Variants in CEP128 observed in about 807,000 individuals in gnomAD.
CEP128 encodes centrosomal protein 128kDa.
Under a neutral mutation model 156.7 loss-of-function variants are expected in CEP128, and 132 were observed. The ratio of observed to expected loss-of-function variants is 0.84; its 90% CI spans 0.73 to 0.97. The LOEUF is 0.97. Among genes scored for constraint, CEP128 ranks in the 50% least tolerant of loss-of-function variants. The pLI is 0.00. For missense variants in CEP128, 1,252 were observed against 1,281.9 expected (o/e 0.98, Z 0.36); for synonymous variants, 469 against 448.9 (o/e 1.04, Z -0.57).
intron 19 of CEP128, among the ~76,000 whole-genome samples, chr14:80,722,831 T>A (rs1566877358): frequency 6.8e-6 from 1 of 146,200 alleles, no homozygotes; most frequent in African/African-American, 2.5e-5. Context: ...CTTTTTTTTT[T>A]TTTTTTTTTT....
intron 13 of CEP128, among the ~76,000 whole-genome samples, chr14:80,827,874 A>G (rs985254434): frequency 6.6e-6 from 1 of 152,156 alleles, no homozygotes; most frequent in African/African-American, 2.4e-5. Flanking sequence ...TACAAAAGTA[A>G]TCTCAGTTTT....
At chr14:80,830,411 C>T (rs1439712472) in intron 13 of CEP128, 7 of 394,972 alleles carry the variant, frequency 1.8e-5, no homozygotes, top group Non-Finnish European at 3.2e-5. Flanking sequence ...GAAATTAGAA[C>T]ACAACTTCAC....
At chr14:80,594,973 G>T (rs1305155440) in intron 19 of CEP128, among the ~76,000 whole-genome samples, 1 of 152,086 alleles carries the variant, frequency 6.6e-6, no homozygotes, top group Non-Finnish European at 1.5e-5. Flanking sequence ...CCCATTACTG[G>T]GTATAAACTC....
intron 13 of CEP128, among the ~76,000 whole-genome samples, chr14:80,827,556 T>C (rs1401817576): frequency 6.6e-6 from 1 of 152,120 alleles, no homozygotes; most frequent in Non-Finnish European, 1.5e-5. Context: ...TGAGAAGAGA[T>C]GTCAGTTCAA....
At chr14:80,848,758 T>C (rs1205851988) in intron 9 of CEP128, among the ~76,000 whole-genome samples, 2 of 151,592 alleles carry the variant, frequency 1.3e-5, no homozygotes, top group Non-Finnish European at 2.9e-5. Context: ...CTATTGTCTA[T>C]AAATAAACCA....
At chr14:80,940,340 C>T (rs1199446954) in intron 1 of CEP128, among the ~76,000 whole-genome samples, 1 of 152,166 alleles carries the variant, frequency 6.6e-6, no homozygotes, top group African/African-American at 2.4e-5. Flanking sequence ...GAGTCATAGG[C>T]ACAACCAAAT....
chr14:80,542,857 T>C (rs1319767653), intron 21 of CEP128, among the ~76,000 whole-genome samples: 5 of 152,196 alleles, frequency 3.3e-5, no homozygotes, highest in African/African-American at 1.2e-4. Flanking sequence ...CTGGCTAAGG[T>C]AGGGTCTAGG....
intron 20 of CEP128, among the ~76,000 whole-genome samples, chr14:80,580,081 G>C (rs1366131090): frequency 1.3e-5 from 2 of 152,132 alleles, no homozygotes; most frequent in African/African-American, 4.8e-5. Flanking sequence ...CCTGTTTTGA[G>C]GGAAATGACT....
chr14:80,642,678 A>AAG (rs374657845), intron 19 of CEP128, among the ~76,000 whole-genome samples: 36 of 152,020 alleles, frequency 2.4e-4, no homozygotes, highest in East Asian at 1.2e-3. Flanking sequence ...AACAAAGAAA[A>AAG]AGAGAGAGAG....
chr14:80,801,960 A>G (rs963689202), intron 13 of CEP128, among the ~76,000 whole-genome samples: 1 of 146,710 alleles, frequency 6.8e-6, no homozygotes. Flanking sequence ...TGATCATGAG[A>G]GAAATGCAAA....
At chr14:80,721,202 G>C (rs1004827572) in intron 19 of CEP128, among the ~76,000 whole-genome samples, 5 of 152,026 alleles carry the variant, frequency 3.3e-5, no homozygotes, top group South Asian at 2.1e-4. Flanking sequence ...TCATAAATAG[G>C]ATTAATATTA....
chr14:80,700,009 G>A (rs542641504), intron 19 of CEP128, among the ~76,000 whole-genome samples: 4 of 152,236 alleles, frequency 2.6e-5, no homozygotes, highest in South Asian at 2.1e-4. Flanking sequence ...CTAAGAACAC[G>A]GAGGGCTTTA....
intron 19 of CEP128, among the ~76,000 whole-genome samples, chr14:80,646,725 A>T (rs1189967400): frequency 1.3e-5 from 2 of 151,724 alleles, no homozygotes; most frequent in Non-Finnish European, 2.9e-5. Flanking sequence ...AAATGGATAT[A>T]CACAAATTTC....
chr14:80,558,653 C>T (rs1890542992), intron 21 of CEP128, among the ~76,000 whole-genome samples: 1 of 151,766 alleles, frequency 6.6e-6, no homozygotes, highest in Admixed American at 6.6e-5. Flanking sequence ...GAACTCCTGA[C>T]CTCAAATGAT....
chr14:80,733,358 G>A (rs1287780291), intron 19 of CEP128, among the ~76,000 whole-genome samples: 1 of 145,656 alleles, frequency 6.9e-6, no homozygotes, highest in African/African-American at 2.8e-5. Flanking sequence ...GTGTGTGTGT[G>A]TGTGTGTGTG....
intron 13 of CEP128, among the ~76,000 whole-genome samples, chr14:80,804,050 C>A (rs1334331898): frequency 6.6e-6 from 1 of 151,836 alleles, no homozygotes; most frequent in Non-Finnish European, 1.5e-5. Flanking sequence ...CTAGAATAAA[C>A]ATGTGTACTG....
intron 23 of CEP128, among the ~76,000 whole-genome samples, chr14:80,524,270 G>A (rs1363627064): frequency 6.6e-6 from 1 of 152,164 alleles, no homozygotes; most frequent in Non-Finnish European, 1.5e-5. Context: ...GTTTTCAGTA[G>A]AACCAGTGAA....
At chr14:80,730,131 T>C (rs552667567) in intron 19 of CEP128, among the ~76,000 whole-genome samples, 131 of 152,272 alleles carry the variant, frequency 8.6e-4, no homozygotes, top group Non-Finnish European at 1.5e-3. Flanking sequence ...AATTGCACCT[T>C]AAGAAAAAAT....
At chr14:80,759,331 T>C (rs1255248059) in intron 17 of CEP128, among the ~76,000 whole-genome samples, 3 of 152,198 alleles carry the variant, frequency 2.0e-5, no homozygotes, top group African/African-American at 7.2e-5. Context: ...ACTCTTTACA[T>C]ACAATGGCTG....
Sources: allele counts gnomAD v4.1 joint callset (sites outside exome capture counted in the v4.1 genomes callset), GRCh38; gene constraint gnomAD v4.1.1; transcripts MANE v1.5; gene names NCBI Gene and HGNC (gene_info 2026-07-23, HGNC 2026-07-21).